PHEX: variants seen among roughly 807,000 people sequenced by gnomAD.
PHEX encodes the protein phosphate-regulating neutral endopeptidase PHEX.
Under a neutral mutation model 68.0 loss-of-function variants are expected in PHEX, and 16 were observed. The ratio of observed to expected loss-of-function variants is 0.24; its 90% confidence interval spans 0.16 to 0.36. The LOEUF (loss-of-function observed/expected upper bound fraction) is 0.36, where lower values mean the gene tolerates loss of function less well. PHEX is among the 10% of genes least tolerant of loss of function. The pLI is 1.00. For missense variants in PHEX, 480 were observed against 575.5 expected (o/e 0.83, Z 1.70); for synonymous variants, 208 against 205.1 (o/e 1.01, Z -0.12).
At chrX:22,202,510 T>C (rs903189560) in intron 15 of PHEX, among the ~76,000 whole-genome samples, 18 of 112,200 alleles carry the variant, frequency 1.6e-4, no homozygotes, top group African/African-American at 5.8e-4. Context: ...ACAAATGAGA[T>C]GGTTTAACCT....
chrX:22,235,502 G>C (rs1405193360), intron 20 of PHEX, among the ~76,000 whole-genome samples: 1 of 110,976 alleles, frequency 9.0e-6, no homozygotes, highest in African/African-American at 3.3e-5. Flanking sequence ...GCTTTCTTCT[G>C]GGTTGCACAC....
chrX:22,045,136 G>T (rs184328375), intron 2 of PHEX, among the ~76,000 whole-genome samples: 5 of 110,904 alleles, frequency 4.5e-5, no homozygotes, highest in Non-Finnish European at 9.4e-5. Context: ...AAGACAAAAG[G>T]CTGTTTGAAA....
intron 3 of PHEX, among the ~76,000 whole-genome samples, chrX:22,069,972 C>A (rs1928823259): frequency 9.0e-6 from 1 of 111,323 alleles, no homozygotes; most frequent in African/African-American, 3.3e-5. Context: ...ACCTTTAATA[C>A]CCATGCAGTG....
At chrX:22,185,934 T>TCGAACTCC (rs2147134788) in intron 14 of PHEX, among the ~76,000 whole-genome samples, 1 of 110,429 alleles carries the variant, frequency 9.1e-6, no homozygotes, top group Admixed American at 9.6e-5. Flanking sequence ...TTTTGTAGTT[T>TCGAACTCC]TAGTACAGAC....
chrX:22,154,827 C>T (rs990169364), intron 12 of PHEX, among the ~76,000 whole-genome samples: 1 of 112,125 alleles, frequency 8.9e-6, no homozygotes, highest in East Asian at 2.8e-4. Flanking sequence ...TAGACGATGC[C>T]AGTGTCAAAG....
intron 11 of PHEX, 25 bp downstream of exon 11, chrX:22,114,611 A>G: frequency 1.7e-6 from 2 of 1,187,937 alleles, no homozygotes; most frequent in South Asian, 3.5e-5. Flanking sequence ...CCAGCTAGCA[A>G]AAAATAATGG....
rs1043095363 is a variant in PHEX at position 22,038,420 on chromosome X, G to A, written c.119-49G>A. 7.3e-6 allele frequency: 6 copies of A among 819,395 alleles called. No individual in the cohort carries two copies. The African/African-American group carries it at 1.0e-4, about 14-fold the overall frequency. The allele number at this position is 819,395 out of a possible 1,213,427, so 67.5% of individuals were successfully genotyped here. A position where few individuals can be genotyped will look rare whatever the true frequency, so the allele number is the denominator to read the frequency against. Reference sequence around the variant, plus strand: ...GTATGTTTCCGAGGGTGGTTTACCGGATGGTGGTCTGCTACAACTCAGCCA... The same window carrying A: ...GTATGTTTCCGAGGGTGGTTTACCGAATGGTGGTCTGCTACAACTCAGCCA... On this transcript the variant is annotated intron_variant, in intron 1 of 21. Transcript: ENST00000379374.
intron 21 of PHEX, 83 bp downstream of exon 21, chrX:22,245,492 C>T (rs1308205495): frequency 1.5e-6 from 1 of 660,207 alleles, no homozygotes; most frequent in African/African-American, 2.2e-5. Flanking sequence ...AGGGCTCTAC[C>T]AGATAGGTGA....
At chrX:22,126,835 A>G (rs370569687) in intron 11 of PHEX, among the ~76,000 whole-genome samples, 3 of 99,790 alleles carry the variant, frequency 3.0e-5, no homozygotes, top group East Asian at 3.4e-4. Context: ...GTATTTTTAT[A>G]GTGTGGATCC....
At chrX:22,097,734 G>A (rs1252194827) in intron 8 of PHEX, 2 of 724,570 alleles carry the variant, frequency 2.8e-6, no homozygotes, top group Admixed American at 8.9e-5. Context: ...GGATAGGGAT[G>A]CTCTGAAGAA....
chrX:22,165,554 A>T (rs945111116), intron 12 of PHEX, among the ~76,000 whole-genome samples: 2 of 111,435 alleles, frequency 1.8e-5, no homozygotes, highest in African/African-American at 3.3e-5. Flanking sequence ...ATAAACCCCC[A>T]GGAACTAGCT....
In PHEX at chrX:22,168,128, G is replaced by A. The variant is rs149817406; in HGVS notation, c.1405-184G>A. On this transcript the variant is annotated intron_variant, in intron 12 of 21. Coordinates refer to ENST00000379374, the MANE Select transcript of PHEX (RefSeq NM_000444.6). The stretch of plus-strand genomic sequence containing the variant: ...TAGACAGTTATTTGCTACATTCACT[G>A]CATTTTTAGTATACTGAGGTCTCTC... Among the ~76,000 whole-genome samples, 331 of 111,232 alleles carry A rather than the reference G, an allele frequency of 3.0e-3. 2 individuals are homozygous for A. The highest frequency in any genetic ancestry group is 0.01 in the African/African-American group (312 of 30,626).
At chrX:22,142,217 A>C (rs1932501724) in intron 12 of PHEX, among the ~76,000 whole-genome samples, 2 of 111,899 alleles carry the variant, frequency 1.8e-5, no homozygotes, top group South Asian at 7.4e-4. Context: ...ACGCCGCTGC[A>C]CTCCAGCCTG....
intron 3 of PHEX, among the ~76,000 whole-genome samples, chrX:22,074,669 T>C (rs1929065081): frequency 9.0e-6 from 1 of 111,617 alleles, no homozygotes; most frequent in Admixed American, 9.6e-5. Flanking sequence ...AATAGTCTAA[T>C]GACTGTGTAA....
At chrX:22,039,277 C>T (rs1367826468) in intron 2 of PHEX, among the ~76,000 whole-genome samples, 1 of 112,684 alleles carries the variant, frequency 8.9e-6, no homozygotes. Context: ...CTGGGAATCT[C>T]TTTTTTCTGT....
chrX:22,152,792 G>A (rs949097180), intron 12 of PHEX, among the ~76,000 whole-genome samples: 1 of 111,675 alleles, frequency 9.0e-6, no homozygotes, highest in African/African-American at 3.3e-5. Flanking sequence ...TTTAAATCTT[G>A]TCTCAGGCCT....
chrX:22,196,386 A>G, intron 15 of PHEX, among the ~76,000 whole-genome samples: 1 of 112,219 alleles, frequency 8.9e-6, no homozygotes, highest in Middle Eastern at 4.6e-3. Flanking sequence ...CCAGATAGTA[A>G]TATTTTTGGC....
intron 9 of PHEX, among the ~76,000 whole-genome samples, chrX:22,100,172 T>C (rs921839087): frequency 1.8e-5 from 2 of 112,211 alleles, no homozygotes; most frequent in Non-Finnish European, 3.8e-5. Context: ...GTAATTATAT[T>C]GCAGGGTAGA....
At chrX:22,040,265 C>T (rs111879623) in intron 2 of PHEX, among the ~76,000 whole-genome samples, 6 of 112,164 alleles carry the variant, frequency 5.3e-5, no homozygotes, top group African/African-American at 1.9e-4. Flanking sequence ...ATATTTGTTG[C>T]ACATGAGGTA....
Sources: allele counts gnomAD v4.1 joint callset (sites outside exome capture counted in the v4.1 genomes callset), GRCh38; gene constraint gnomAD v4.1.1; transcripts MANE v1.5; gene names NCBI Gene and HGNC (gene_info 2026-07-23, HGNC 2026-07-21).